CDH18: variants seen among roughly 807,000 people sequenced by gnomAD.
The protein encoded by CDH18 is cadherin 18, also known as cadherin-18.
In CDH18, 31 loss-of-function variants were observed where a neutral mutation model predicts 67.9. The ratio of observed to expected loss-of-function variants is 0.46; its 90% CI spans 0.34 to 0.62. CDH18 has a LOEUF of 0.62. Among genes scored for constraint, CDH18 ranks in the 20% least tolerant of loss-of-function variants. The pLI is 0.01. For synonymous variants in CDH18, 362 were observed against 347.2 expected, an observed-to-expected ratio of 1.04 and a Z score of -0.48; for missense variants, 890 against 975.5, an observed-to-expected ratio of 0.91 and a Z score of 1.17.
chr5:20,409,941 G>A (rs372334604), intron 1 of CDH18, among the ~76,000 whole-genome samples: 284 of 151,708 alleles, frequency 1.9e-3, no homozygotes, highest in African/African-American at 6.7e-3. Context: ...ACTGAATTAT[G>A]AAGAAATAGA....
upstream of CDH18, among the ~76,000 whole-genome samples, chr5:19,990,410 G>C (rs1273538528): frequency 1.3e-5 from 2 of 152,138 alleles, no homozygotes; most frequent in Admixed American, 6.5e-5. Flanking sequence ...GGCCTTCCTT[G>C]GTGGTTTTCC....
intron 9 of CDH18, among the ~76,000 whole-genome samples, chr5:19,530,932 G>A (rs1248593598): frequency 2.0e-5 from 3 of 152,036 alleles, no homozygotes; most frequent in Non-Finnish European, 2.9e-5. Flanking sequence ...GCCCTGCTTC[G>A]GCTCGCGCAT....
chr5:20,377,031 A>T lies in CDH18; in HGVS notation c.-579-121526T>A, dbSNP rs549223388. On this transcript the variant is annotated intron_variant, in intron 1 of 14. Transcript: ENST00000507958. ...AGACTCCGTCTCAAAAAAAAAAAAA[A>T]ATATTAGGTCAGGCCATAGAGATAA... Among the ~76,000 whole-genome samples, 10 of 148,284 alleles carry T rather than the reference A, an allele frequency of 6.7e-5. No individual in the cohort carries two copies. In the South Asian group the frequency reaches 8.5e-4, roughly 13 times the overall value.
rs545885699 is a variant in CDH18, at chr5:19,522,614, G to A, written c.1391-1836C>T. Among the ~76,000 whole-genome samples, 6 of 152,196 alleles carry A rather than the reference G, an allele frequency of 3.9e-5. No homozygotes were observed. In the East Asian group the frequency reaches 5.8e-4, roughly 15 times the overall value. On this transcript the variant is annotated intron_variant, in intron 9 of 12. Coordinates refer to ENST00000382275, the MANE Select transcript of CDH18 (RefSeq NM_004934.5). The stretch of plus-strand genomic sequence containing the variant: ...GAAGAGGAATAAAGCAGAATTGCAC[G>A]CCGGGCATGGTGGCTCACGCCTGTA...
intron 2 of CDH18, among the ~76,000 whole-genome samples, chr5:19,839,765 G>T (rs1440782815): frequency 1.3e-5 from 2 of 152,092 alleles, no homozygotes; most frequent in East Asian, 3.9e-4. Flanking sequence ...TATAGATTGT[G>T]TAAATTTTGA....
intron 1 of CDH18, among the ~76,000 whole-genome samples, chr5:20,418,656 T>C (rs1247938062): frequency 1.7e-5 from 1 of 58,050 alleles, no homozygotes; most frequent in Non-Finnish European, 3.5e-5. Context: ...AAGATTTCAA[T>C]AATTTTTTTG....
chr5:20,183,028 C>T (rs1737818078), intron 2 of CDH18, among the ~76,000 whole-genome samples: 4 of 152,078 alleles, frequency 2.6e-5, no homozygotes. Context: ...AGTTCTCCCT[C>T]TGGGTCCTCA....
intron 1 of CDH18, among the ~76,000 whole-genome samples, chr5:19,987,190 TA>T (rs1348291165): frequency 6.6e-6 from 1 of 151,908 alleles, no homozygotes; most frequent in Non-Finnish European, 1.5e-5. Context: ...CCCTAGCTAA[TA>T]AAATTCTATT....
At chr5:19,789,650 A>C (rs947454458) in intron 3 of CDH18, among the ~76,000 whole-genome samples, 1 of 152,182 alleles carries the variant, frequency 6.6e-6, no homozygotes, top group African/African-American at 2.4e-5. Context: ...AGAGAAGACA[A>C]TATGAACTTC....
chr5:20,377,931 C>T (rs1743593554), intron 1 of CDH18, among the ~76,000 whole-genome samples: 1 of 71,688 alleles, frequency 1.4e-5, no homozygotes. Context: ...TGAATTTGCT[C>T]CTTTAATGGA....
At chr5:20,506,293 G>T (rs1754654659) in intron 1 of CDH18, among the ~76,000 whole-genome samples, 1 of 152,220 alleles carries the variant, frequency 6.6e-6, no homozygotes, top group East Asian at 1.9e-4. Context: ...AAACATGTGG[G>T]GTGCATGATG....
chr5:19,628,277 G>A (rs1430405822), intron 5 of CDH18, among the ~76,000 whole-genome samples: 1 of 152,142 alleles, frequency 6.6e-6, no homozygotes, highest in Non-Finnish European at 1.5e-5. Context: ...ACGTGAAACT[G>A]TGAGTCCATT....
intron 1 of CDH18, among the ~76,000 whole-genome samples, chr5:20,480,413 CTTTTTG>C (rs558444865): frequency 5.9e-5 from 9 of 151,792 alleles, no homozygotes; most frequent in East Asian, 1.9e-4. Flanking sequence ...AGTGTAGAGT[CTTTTTG>C]TTTTTGTTTT....
At chr5:19,708,753 T>C (rs1043316588) in intron 5 of CDH18, among the ~76,000 whole-genome samples, 3 of 152,188 alleles carry the variant, frequency 2.0e-5, no homozygotes, top group African/African-American at 7.2e-5. Flanking sequence ...AGTTAATCTA[T>C]AATCTATAGA....
At chr5:20,439,994 C>T (rs1389717665) in intron 1 of CDH18, among the ~76,000 whole-genome samples, 1 of 151,452 alleles carries the variant, frequency 6.6e-6, no homozygotes, top group African/African-American at 2.4e-5. Context: ...AAGAACATGC[C>T]AGCTTTTGTT....
At chr5:19,504,946 C>T (rs1743857488) in intron 10 of CDH18, among the ~76,000 whole-genome samples, 1 of 152,054 alleles carries the variant, frequency 6.6e-6, no homozygotes, top group Non-Finnish European at 1.5e-5. Flanking sequence ...CTATACATTT[C>T]AGTTAGTATA....
chr5:20,095,415 G>GAAAGAAAGAAAGAAAGAAAGAAAGAAAGA (rs1160300626), intron 2 of CDH18, among the ~76,000 whole-genome samples: 1 of 122,736 alleles, frequency 8.1e-6, no homozygotes, highest in South Asian at 2.8e-4. Context: ...AAGAAAGAAA[G>GAAAGAAAGAAAGAAAGAAAGAAAGAAAGA]AAAGAAAGAA....
At chr5:19,732,179 C>T (rs1157984160) in intron 4 of CDH18, among the ~76,000 whole-genome samples, 3 of 150,584 alleles carry the variant, frequency 2.0e-5, no homozygotes, top group Non-Finnish European at 4.4e-5. Flanking sequence ...TAGCCTCATA[C>T]CTATAATCAC....
In CDH18 at chr5:19,851,016, C is replaced by A. The variant is rs1419459002; in HGVS notation, c.-256-11774G>T. On this transcript the variant is annotated intron_variant, in intron 2 of 12. Transcript: ENST00000382275. ...TTGCAAAAAGGTCCTGGTGGATATTCCAATGAATTTTTATTGGGTATTAAG... is the reference window on the plus strand; with the variant it reads ...TTGCAAAAAGGTCCTGGTGGATATTACAATGAATTTTTATTGGGTATTAAG... Among the ~76,000 whole-genome samples, 3 of 151,678 alleles carry A rather than the reference C, an allele frequency of 2.0e-5. No individual in the cohort carries two copies. The East Asian group carries it at 5.8e-4, about 29-fold the overall frequency.
Sources: gnomAD v4.1 joint callset for allele counts (sites outside exome capture counted in the v4.1 genomes callset) on GRCh38, gnomAD v4.1.1 for gene constraint, MANE v1.5 for transcripts, NCBI Gene and HGNC (gene_info 2026-07-23, HGNC 2026-07-21) for gene names.